NDST3: variants seen among roughly 807,000 people sequenced by gnomAD.
NDST3 encodes the protein N-deacetylase and N-sulfotransferase 3, also known as bifunctional heparan sulfate N-deacetylase/N-sulfotransferase 3.
Under a neutral mutation model 96.1 loss-of-function variants are expected in NDST3, and 58 were observed. That is an observed-to-expected ratio of 0.60 (90% confidence interval 0.49 to 0.75). The LOEUF (loss-of-function observed/expected upper bound fraction) is 0.75, where lower values mean the gene tolerates loss of function less well. NDST3 is among the 30% of genes least tolerant of loss of function. The pLI, the probability that NDST3 is intolerant of heterozygous loss-of-function variation, is 0.00. For synonymous variants in NDST3, 333 were observed against 359.7 expected (o/e 0.93, Z 0.84); for missense variants, 788 against 1,034.2 (o/e 0.76, Z 3.27).
chr4:118,212,695 G>T (rs1226194716), intron 6 of NDST3, among the ~76,000 whole-genome samples: 1 of 152,136 alleles, frequency 6.6e-6, no homozygotes, highest in Non-Finnish European at 1.5e-5. Flanking sequence ...TTTTAAAAAA[G>T]GATGAAGGGT....
At chr4:118,072,310 T>C (rs1727145949) in intron 2 of NDST3, among the ~76,000 whole-genome samples, 1 of 152,156 alleles carries the variant, frequency 6.6e-6, no homozygotes, top group South Asian at 2.1e-4. Context: ...ATCTGTAAAT[T>C]GCTTTGGGCA....
intron 4 of NDST3, among the ~76,000 whole-genome samples, chr4:118,129,308 G>A (rs954817402): frequency 6.6e-6 from 1 of 151,422 alleles, no homozygotes; most frequent in Non-Finnish European, 1.5e-5. Flanking sequence ...TTTCTTTTTT[G>A]ATGTAGGCAC....
intron 6 of NDST3, among the ~76,000 whole-genome samples, chr4:118,184,602 TACACACACACACACAC>T (rs562099266): frequency 4.3e-5 from 6 of 138,576 alleles, no homozygotes; most frequent in South Asian, 2.5e-4. Context: ...TCTCTCTCTC[TACACACACACACACAC>T]ACACACACAC....
intron 1 of NDST3, among the ~76,000 whole-genome samples, chr4:118,040,873 A>ATT (rs1382241348): frequency 9.4e-5 from 5 of 53,372 alleles, no homozygotes; most frequent in African/African-American, 1.7e-4. Context: ...ATTTTTATAT[A>ATT]TATATATATT....
chr4:118,088,348 G>A (rs1001329071), intron 2 of NDST3, among the ~76,000 whole-genome samples: 1 of 152,026 alleles, frequency 6.6e-6, no homozygotes, highest in Admixed American at 6.6e-5. Context: ...TAGAAAATGT[G>A]TTTTTTCCTA....
intron 2 of NDST3, among the ~76,000 whole-genome samples, chr4:118,061,290 T>C: frequency 6.6e-6 from 1 of 152,148 alleles, no homozygotes; most frequent in Non-Finnish European, 1.5e-5. Flanking sequence ...TTTACTCAAA[T>C]GTTACTTTCT....
intron 10 of NDST3, among the ~76,000 whole-genome samples, chr4:118,239,778 A>G (rs533886939): frequency 3.9e-5 from 6 of 152,296 alleles, no homozygotes; most frequent in Non-Finnish European, 8.8e-5. Context: ...AAAATTTGCT[A>G]TTCAACTAGA....
At chr4:118,116,699 A>T (rs1451460741) in intron 4 of NDST3, among the ~76,000 whole-genome samples, 1 of 152,018 alleles carries the variant, frequency 6.6e-6, no homozygotes, top group Non-Finnish European at 1.5e-5. Context: ...CTACTAAAAA[A>T]TACAAACAAT....
At chr4:118,150,455 C>A (rs1264760778) in intron 6 of NDST3, among the ~76,000 whole-genome samples, 1 of 151,896 alleles carries the variant, frequency 6.6e-6, no homozygotes, top group Non-Finnish European at 1.5e-5. Flanking sequence ...AAGCAACCTA[C>A]AAAATGGGAG....
intron 12 of NDST3, among the ~76,000 whole-genome samples, chr4:118,246,571 A>C (rs1741325860): frequency 6.6e-6 from 1 of 152,080 alleles, no homozygotes; most frequent in Non-Finnish European, 1.5e-5. Context: ...GCGCCATTGC[A>C]CTCCAACCTG....
chr4:118,253,506 T>G lies in NDST3; in HGVS notation c.2407T>G (p.Ser803Ala). 6.3e-7 allele frequency: 1 copy of G among 1,599,388 alleles called. No individual in the cohort carries two copies. Among genetic ancestry groups the G allele is most frequent in the Non-Finnish European group, 8.5e-7 (1 of 1,173,460 alleles). ...TATTCTTTTTTTTTTTAGGTTTGATTCTCATAAAGGTTTCTGGTGTCAGTT... is the reference window on the plus strand; with the variant it reads ...TATTCTTTTTTTTTTTAGGTTTGATGCTCATAAAGGTTTCTGGTGTCAGTT... Reference protein sequence around the residue: ...YNYSEALTFDSHKGFWCQLLE... With the variant: ...YNYSEALTFDAHKGFWCQLLE... Residue 803 changes from serine (S) to alanine (A), a missense_variant, in exon 13 of 14, where the codon TCT becomes GCT. Transcript: ENST00000296499.
At chr4:118,146,131 T>G (rs972255491) in intron 6 of NDST3, among the ~76,000 whole-genome samples, 6 of 152,200 alleles carry the variant, frequency 3.9e-5, no homozygotes, top group African/African-American at 1.4e-4. Flanking sequence ...ATGCCAGTAA[T>G]TTAGCAGATG....
At chr4:118,107,918 C>T (rs906066944) in intron 3 of NDST3, among the ~76,000 whole-genome samples, 5 of 152,064 alleles carry the variant, frequency 3.3e-5, no homozygotes, top group African/African-American at 1.2e-4. Flanking sequence ...TAAACATATA[C>T]CTGAGACTGG....
intron 2 of NDST3, among the ~76,000 whole-genome samples, chr4:118,063,598 G>C (rs1030022478): frequency 1.3e-5 from 2 of 152,042 alleles, no homozygotes; most frequent in Non-Finnish European, 1.5e-5. Context: ...TCTCTATGCT[G>C]GTGATTTAAA....
chr4:118,245,550 T>C (rs1432071554), intron 12 of NDST3, among the ~76,000 whole-genome samples: 2 of 152,154 alleles, frequency 1.3e-5, no homozygotes, highest in Non-Finnish European at 2.9e-5. Context: ...TGCCCGGGAA[T>C]TGTTTTCCTA....
rs1165366751 is a variant in NDST3, at chr4:118,066,308, A to T, written c.981+11417A>T. 1.1e-3 allele frequency among the ~76,000 whole-genome samples: 3 copies of T among 2,686 alleles called. 1 individual carries two copies. Among genetic ancestry groups the T allele is most frequent in the African/African-American group, 1.3e-3 (3 of 2,302 alleles). 1.8% of individuals were successfully genotyped at this position (2,686 alleles called of 152,430 possible). A position where few individuals can be genotyped will look rare whatever the true frequency, so the allele number is the denominator to read the frequency against. ...ATATATATTATATATATTATGTATT[A>T]TATATATTATATATATTATGTATTA... On this transcript the variant is annotated intron_variant, in intron 2 of 13. Coordinates refer to ENST00000296499, the MANE Select transcript of NDST3 (RefSeq NM_004784.3).
At chr4:118,222,439 CT>C (rs1326215528) in intron 6 of NDST3, among the ~76,000 whole-genome samples, 1 of 151,830 alleles carries the variant, frequency 6.6e-6, no homozygotes, top group East Asian at 1.9e-4. Flanking sequence ...TGTATTATGC[CT>C]GACAAATTAT....
intron 6 of NDST3, among the ~76,000 whole-genome samples, chr4:118,167,867 A>G (rs1735665832): frequency 6.6e-6 from 1 of 152,032 alleles, no homozygotes; most frequent in African/African-American, 2.4e-5. Flanking sequence ...CATATAAAAA[A>G]TTAAAATGGA....
intron 2 of NDST3, among the ~76,000 whole-genome samples, chr4:118,059,898 T>C (rs1031146727): frequency 6.6e-6 from 1 of 152,188 alleles, no homozygotes; most frequent in African/African-American, 2.4e-5. Flanking sequence ...CTTTCCATTA[T>C]ATCTGATGTT....
Sources: gnomAD v4.1 joint callset for allele counts (sites outside exome capture counted in the v4.1 genomes callset) on GRCh38, gnomAD v4.1.1 for gene constraint, MANE v1.5 for transcripts, NCBI Gene and HGNC (gene_info 2026-07-23, HGNC 2026-07-21) for gene names.